Variants in CTNNA1 observed in about 807,000 individuals in gnomAD.
The protein encoded by CTNNA1 is catenin alpha-1.
A neutral mutation model predicts 98.4 loss-of-function variants in CTNNA1; 37 were observed. The ratio of observed to expected loss-of-function variants is 0.38; its 90% confidence interval spans 0.29 to 0.49. CTNNA1 has a LOEUF of 0.49. Ranked by LOEUF, CTNNA1 falls within the 20% of genes least tolerant of loss-of-function variation. The pLI is 0.95. For synonymous variants in CTNNA1, 404 were observed against 413.2 expected (o/e 0.98, Z 0.27); for missense variants, 761 against 1,147.2 (o/e 0.66, Z 4.86).
chr5:138,775,710 A>ATTTTTTT (rs1754031426), intron 1 of CTNNA1, among the ~76,000 whole-genome samples: 1 of 107,158 alleles, frequency 9.3e-6, no homozygotes, highest in Non-Finnish European at 2.0e-5. Flanking sequence ...ATCTGGAAAT[A>ATTTTTTT]TTTCTTTTTT....
chr5:138,822,365 T>C (rs1191647378), intron 5 of CTNNA1, among the ~76,000 whole-genome samples: 1 of 152,216 alleles, frequency 6.6e-6, no homozygotes, highest in African/African-American at 2.4e-5. Context: ...ATAGTAATTA[T>C]GGCACCTGCT....
intron 3 of CTNNA1, among the ~76,000 whole-genome samples, chr5:138,806,245 T>G (rs1262853804): frequency 6.6e-6 from 1 of 152,206 alleles, no homozygotes; most frequent in African/African-American, 2.4e-5. Flanking sequence ...ACCAGTTTTC[T>G]CTTACAAGTC....
At chr5:138,810,462 C>T (rs1438825532) in intron 4 of CTNNA1, among the ~76,000 whole-genome samples, 1 of 152,104 alleles carries the variant, frequency 6.6e-6, no homozygotes, top group Non-Finnish European at 1.5e-5. Flanking sequence ...TTCCCTTTTT[C>T]CAGTAATGAT....
At position 138,824,619 on chromosome 5, in the gene CTNNA1, G is replaced by A. The variant is rs748580870; in HGVS notation, c.678G>A (p.Gln226=). Residue 226 remains glutamine (Q), a synonymous_variant, in exon 6 of 18, where the codon CAG becomes CAA. Coordinates refer to ENST00000302763, the MANE Select transcript of CTNNA1 (RefSeq NM_001903.5). ...KNVPILYTAS[Q]ACLQHPDVAA... Reference sequence around the variant, plus strand: ...TTCCGATCCTCTATACTGCATCCCAGGCATGCCTACAGCACCCTGATGTCG... The same window carrying A: ...TTCCGATCCTCTATACTGCATCCCAAGCATGCCTACAGCACCCTGATGTCG... The A allele has an allele frequency of 1.9e-6, 3 of 1,614,174 alleles. No individual in the cohort carries two copies. The highest frequency in any genetic ancestry group is 2.2e-5 in the South Asian group (2 of 91,078).
chr5:138,926,834 A>T (rs1764168186), intron 13 of CTNNA1, among the ~76,000 whole-genome samples: 2 of 151,550 alleles, frequency 1.3e-5, no homozygotes, highest in South Asian at 4.2e-4. Flanking sequence ...GAAGTCCTTG[A>T]CCTCTTCAGA....
At chr5:138,842,009 G>A (rs1195228436) in intron 7 of CTNNA1, among the ~76,000 whole-genome samples, 1 of 152,162 alleles carries the variant, frequency 6.6e-6, no homozygotes, top group Non-Finnish European at 1.5e-5. Flanking sequence ...AAAGATTAAT[G>A]TTTTGGCTTG....
intron 2 of CTNNA1, chr5:138,782,410 C>G (rs949353713): frequency 7.3e-6 from 3 of 410,914 alleles, no homozygotes; most frequent in Non-Finnish European, 1.5e-5. Context: ...GCAGGTAATT[C>G]AACTTGAGGG....
At chr5:138,784,243 G>A (rs1270854151) in intron 3 of CTNNA1, among the ~76,000 whole-genome samples, 1 of 152,150 alleles carries the variant, frequency 6.6e-6, no homozygotes, top group Non-Finnish European at 1.5e-5. Context: ...TTTTCCAGTC[G>A]GAGAATTTCA....
chr5:138,859,283 C>A (rs562882348), intron 7 of CTNNA1, among the ~76,000 whole-genome samples: 1 of 151,968 alleles, frequency 6.6e-6, no homozygotes, highest in East Asian at 1.9e-4. Context: ...CTTTTTTTTC[C>A]GTGACTGCCA....
intron 7 of CTNNA1, among the ~76,000 whole-genome samples, chr5:138,843,416 A>T (rs1463869035): frequency 6.6e-6 from 1 of 152,110 alleles, no homozygotes; most frequent in East Asian, 1.9e-4. Flanking sequence ...TGCCATATGT[A>T]CACCCTTCGG....
intron 7 of CTNNA1, among the ~76,000 whole-genome samples, chr5:138,836,692 G>T (rs915795610): frequency 6.6e-6 from 1 of 152,206 alleles, no homozygotes; most frequent in Non-Finnish European, 1.5e-5. Context: ...GCAGCAGGTG[G>T]ATAGGAGTTT....
At chr5:138,867,593 C>T (rs185690348) in intron 7 of CTNNA1, among the ~76,000 whole-genome samples, 188 of 152,242 alleles carry the variant, frequency 1.2e-3, no homozygotes, top group African/African-American at 4.1e-3. Context: ...TTTCCTCCCA[C>T]CTGTGATAAC....
At chr5:138,766,450 TG>T (rs1312913494) in intron 1 of CTNNA1, among the ~76,000 whole-genome samples, 2 of 88,740 alleles carry the variant, frequency 2.3e-5, no homozygotes, top group African/African-American at 3.7e-5. Flanking sequence ...TACCATGTTT[TG>T]TTTTTTTTTT....
intron 5 of CTNNA1, among the ~76,000 whole-genome samples, chr5:138,819,270 A>G (rs1759772120): frequency 6.6e-6 from 1 of 152,178 alleles, no homozygotes; most frequent in South Asian, 2.1e-4. Flanking sequence ...ACAGCAGCAC[A>G]TATCCCAGAA....
At chr5:138,897,537 C>G (rs959227236) in intron 9 of CTNNA1, among the ~76,000 whole-genome samples, 3 of 152,078 alleles carry the variant, frequency 2.0e-5, no homozygotes. Context: ...TGGGTATTTT[C>G]TCAGTACTGT....
At chr5:138,858,074 T>C (rs1429022690) in intron 7 of CTNNA1, among the ~76,000 whole-genome samples, 1 of 152,164 alleles carries the variant, frequency 6.6e-6, no homozygotes. Context: ...CAGACACTTG[T>C]ACATTCACCT....
intron 3 of CTNNA1, among the ~76,000 whole-genome samples, chr5:138,802,536 G>A (rs551327499): frequency 6.6e-6 from 1 of 152,040 alleles, no homozygotes; most frequent in Non-Finnish European, 1.5e-5. Flanking sequence ...CAAATATGAT[G>A]TTGGAAACTG....
At chr5:138,899,140 G>T (rs1395830209) in intron 9 of CTNNA1, among the ~76,000 whole-genome samples, 1 of 152,036 alleles carries the variant, frequency 6.6e-6, no homozygotes, top group African/African-American at 2.4e-5. Context: ...CGTTATTATG[G>T]ATCTGATTAC....
chr5:138,790,398 CATT>C (rs1246088701), intron 3 of CTNNA1, among the ~76,000 whole-genome samples: 1 of 152,134 alleles, frequency 6.6e-6, no homozygotes, highest in Admixed American at 6.5e-5. Context: ...AAAATGTTTG[CATT>C]ATTTGCTTGT....
Sources: allele counts gnomAD v4.1 joint callset (sites outside exome capture counted in the v4.1 genomes callset), GRCh38; gene constraint gnomAD v4.1.1; transcripts MANE v1.5; gene names NCBI Gene and HGNC (gene_info 2026-07-23, HGNC 2026-07-21).